The following RTL4 variants were observed in gnomAD, a reference collection of about 807,000 sequenced individuals.
RTL4 encodes retrotransposon Gag like 4, also known as retrotransposon Gag-like protein 4.
A neutral mutation model predicts 5.3 loss-of-function variants in RTL4; 4 were observed. That is an observed-to-expected ratio of 0.75 (90% CI 0.37 to 1.72). The LOEUF is 1.72. RTL4 is among the 40% of genes most tolerant of loss of function. RTL4 has a pLI of 0.04. For synonymous variants in RTL4, 98 were observed against 87.3 expected, an observed-to-expected ratio of 1.12 and a Z score of -0.68; for missense variants, 260 against 227.1, an observed-to-expected ratio of 1.14 and a Z score of -0.93.
At chrX:112,190,041 C>T in the RTL4 span, among the ~76,000 whole-genome samples, 1 of 112,270 alleles carries the variant, frequency 8.9e-6, no homozygotes, top group Non-Finnish European at 1.9e-5. Flanking sequence ...AATGCTTAAA[C>T]ACAAAGTCAG....
At chrX:112,441,994 A>T in the RTL4 span, among the ~76,000 whole-genome samples, 1 of 111,991 alleles carries the variant, frequency 8.9e-6, no homozygotes, top group Non-Finnish European at 1.9e-5. Flanking sequence ...TTAAAAACAT[A>T]CTAAGTGAAA....
chrX:112,098,458 C>T, the RTL4 span, among the ~76,000 whole-genome samples: 2 of 111,506 alleles, frequency 1.8e-5, no homozygotes, highest in African/African-American at 6.5e-5. Context: ...GATTTATAAT[C>T]CTTTGGGTAT....
At chrX:112,356,627 T>A in the RTL4 span, among the ~76,000 whole-genome samples, 3 of 108,967 alleles carry the variant, frequency 2.8e-5, no homozygotes, top group African/African-American at 1.0e-4. Flanking sequence ...GATCTCTTCT[T>A]TGAGTATTTT....
the RTL4 span, among the ~76,000 whole-genome samples, chrX:112,229,838 A>G: frequency 8.0e-5 from 9 of 111,981 alleles, no homozygotes; most frequent in African/African-American, 2.3e-4. Flanking sequence ...TGGCTGCAGA[A>G]CAGTGGATAT....
At chrX:112,233,959 G>A in the RTL4 span, among the ~76,000 whole-genome samples, 1 of 110,955 alleles carries the variant, frequency 9.0e-6, no homozygotes, top group African/African-American at 3.3e-5. Flanking sequence ...TTGGGAGGCC[G>A]AGGCAGGCAG....
chrX:112,159,719 T>C, the RTL4 span, among the ~76,000 whole-genome samples: 127 of 111,317 alleles, frequency 1.1e-3, no homozygotes, highest in African/African-American at 3.9e-3. Flanking sequence ...CACCTCAGCA[T>C]TGAAGACTCT....
the RTL4 span, among the ~76,000 whole-genome samples, chrX:112,375,251 G>T: frequency 1.8e-5 from 2 of 111,263 alleles, no homozygotes; most frequent in Non-Finnish European, 3.8e-5. Flanking sequence ...GACATGCAGA[G>T]CATCTGGGGT....
the RTL4 span, among the ~76,000 whole-genome samples, chrX:112,232,564 A>T: frequency 8.0e-5 from 9 of 111,960 alleles, no homozygotes; most frequent in African/African-American, 2.9e-4. Context: ...ATACCTAAAA[A>T]TAAGAGTCAA....
chrX:112,426,581 A>T, the RTL4 span, among the ~76,000 whole-genome samples: 1 of 111,111 alleles, frequency 9.0e-6, no homozygotes, highest in South Asian at 3.7e-4. Context: ...TTCTATAAGG[A>T]TCTTGTACAT....
At chrX:112,263,604 TC>T in the RTL4 span, among the ~76,000 whole-genome samples, 7 of 112,114 alleles carry the variant, frequency 6.2e-5, no homozygotes, top group Non-Finnish European at 9.4e-5. Context: ...AGCATAGTGT[TC>T]TCCAAGTTTA....
the RTL4 span, among the ~76,000 whole-genome samples, chrX:112,115,732 C>T: frequency 3.2e-4 from 36 of 111,680 alleles, no homozygotes; most frequent in Non-Finnish European, 5.8e-4. Flanking sequence ...CTGAAATTTA[C>T]AGTAGAAATC....
At chrX:112,336,525 C>T in the RTL4 span, among the ~76,000 whole-genome samples, 1 of 112,121 alleles carries the variant, frequency 8.9e-6, no homozygotes, top group Admixed American at 9.5e-5. Context: ...ACCACTACAA[C>T]CATAATGCCT....
the RTL4 span, among the ~76,000 whole-genome samples, chrX:112,325,205 G>A: frequency 0.053 from 5,928 of 111,472 alleles, 397 homozygotes; most frequent in African/African-American, 0.18. Context: ...AATCAATATC[G>A]TGAAAATGGC....
the RTL4 span, among the ~76,000 whole-genome samples, chrX:112,120,644 A>AGTAC: frequency 0.021 from 2,260 of 105,165 alleles, 34 homozygotes; most frequent in Non-Finnish European, 0.033. Context: ...CAAGGTTAGT[A>AGTAC]GTTTCCATTT....
the RTL4 span, among the ~76,000 whole-genome samples, chrX:112,136,581 A>G: frequency 1.8e-5 from 2 of 112,144 alleles, no homozygotes; most frequent in Admixed American, 9.5e-5. Context: ...CGTGGACTGT[A>G]AAAGTAATAT....
At chrX:112,344,780 G>T in the RTL4 span, among the ~76,000 whole-genome samples, 2 of 111,755 alleles carry the variant, frequency 1.8e-5, no homozygotes, top group Non-Finnish European at 3.8e-5. Context: ...TTCTCATGCT[G>T]CTGATAAAGA....
the RTL4 span, among the ~76,000 whole-genome samples, chrX:112,327,267 G>A: frequency 2.1e-4 from 23 of 111,580 alleles, no homozygotes; most frequent in Middle Eastern, 4.6e-3. Flanking sequence ...AAAAAAATTT[G>A]GAAGAATGTA....
the RTL4 span, among the ~76,000 whole-genome samples, chrX:112,214,131 T>C: frequency 8.9e-6 from 1 of 111,792 alleles, no homozygotes; most frequent in Non-Finnish European, 1.9e-5. Context: ...AGGATGTATT[T>C]ATCTTGTGTA....
At chrX:112,137,471 A>G in the RTL4 span, among the ~76,000 whole-genome samples, 1 of 111,982 alleles carries the variant, frequency 8.9e-6, no homozygotes, top group East Asian at 2.8e-4. Flanking sequence ...CATCCTTCAC[A>G]AGGTGGCAGG....
Sources: gnomAD v4.1 joint callset for allele counts (sites outside exome capture counted in the v4.1 genomes callset) on GRCh38, gnomAD v4.1.1 for gene constraint, MANE v1.5 for transcripts, NCBI Gene and HGNC (gene_info 2026-07-23, HGNC 2026-07-21) for gene names.